The following MYT1L variants were observed in gnomAD, a reference collection of about 807,000 sequenced individuals.
The protein encoded by MYT1L is myelin transcription factor 1 like.
A neutral mutation model predicts 126.7 loss-of-function variants in MYT1L; 12 were observed. The ratio of observed to expected loss-of-function variants is 0.09; its 90% CI spans 0.06 to 0.15. The LOEUF is 0.15. Among genes scored for constraint, MYT1L ranks in the 10% least tolerant of loss-of-function variants. MYT1L has a pLI of 1.00. For synonymous variants in MYT1L, 541 were observed against 604.2 expected (o/e 0.90, Z 1.53); for missense variants, 979 against 1,585.2 (o/e 0.62, Z 6.49).
chr2:2,250,174 T>C (rs902161243), intron 2 of MYT1L, among the ~76,000 whole-genome samples: 2 of 152,204 alleles, frequency 1.3e-5, no homozygotes, highest in African/African-American at 2.4e-5. Context: ...TTGCTAGTTA[T>C]ACACTTAAAG....
intron 3 of MYT1L, among the ~76,000 whole-genome samples, chr2:2,084,441 T>C (rs1340407239): frequency 6.6e-6 from 1 of 152,204 alleles, no homozygotes; most frequent in East Asian, 1.9e-4. Context: ...TAGAAAACAC[T>C]GAGAGCTCCC....
At chr2:2,129,471 G>A (rs1047658744) in intron 3 of MYT1L, among the ~76,000 whole-genome samples, 31 of 152,192 alleles carry the variant, frequency 2.0e-4, no homozygotes, top group Admixed American at 2.0e-3. Context: ...CAGAAAGTGT[G>A]TGATAAAGAA....
intron 8 of MYT1L, among the ~76,000 whole-genome samples, chr2:1,956,175 G>A (rs2058332697): frequency 6.9e-6 from 1 of 144,128 alleles, no homozygotes; most frequent in Non-Finnish European, 1.5e-5. Flanking sequence ...CTGTCTGCCT[G>A]TTCATTTACC....
rs2149491306 is a variant in MYT1L at position 1,979,658 on chromosome 2, C to T, written c.55+65G>A. 1.9e-6 allele frequency: 3 copies of T among 1,608,834 alleles called. No individual in the cohort carries two copies. Among genetic ancestry groups the T allele is most frequent in the Admixed American group, 3.3e-5 (2 of 59,940 alleles). On this transcript the variant is annotated intron_variant, in intron 6 of 24. Coordinates refer to ENST00000647738, the MANE Select transcript of MYT1L (RefSeq NM_001303052.2). The surrounding 1 kb of genome is among the most constrained non-coding windows in gnomAD (Gnocchi z 4.0). ...GGCATGAAAGTGGGGTCAGAATCGACCTCAGTTCCGCAGGATGAAGGTGAC... is the reference window on the plus strand; with the variant it reads ...GGCATGAAAGTGGGGTCAGAATCGATCTCAGTTCCGCAGGATGAAGGTGAC...
intron 5 of MYT1L, among the ~76,000 whole-genome samples, chr2:1,994,878 A>T (rs1281948356): frequency 6.6e-6 from 1 of 152,122 alleles, no homozygotes; most frequent in Non-Finnish European, 1.5e-5. Flanking sequence ...ATTCTTTTTA[A>T]TTTTTTTAAA....
chr2:2,306,687 C>T (rs925791615), intron 1 of MYT1L, among the ~76,000 whole-genome samples: 2 of 151,998 alleles, frequency 1.3e-5, no homozygotes, highest in Non-Finnish European at 2.9e-5. Context: ...ACAGAAGGTC[C>T]CTCAAATGAT....
At chr2:1,956,433 TCTATCTAC>T (rs202166434) in intron 8 of MYT1L, among the ~76,000 whole-genome samples, 17,479 of 140,156 alleles carry the variant, frequency 0.12, 3,650 homozygotes, top group East Asian at 0.35. Flanking sequence ...TATCTATCTA[TCTATCTAC>T]CTATCATCTA....
At chr2:2,014,286 T>C (rs1268038296) in intron 4 of MYT1L, among the ~76,000 whole-genome samples, 1 of 151,834 alleles carries the variant, frequency 6.6e-6, no homozygotes, top group Non-Finnish European at 1.5e-5. Context: ...TAACCAGCCC[T>C]TGTCCTTGTG....
Position 2,098,314 on chromosome 2 carries a change from G to C in MYT1L, c.-303-44191C>G, listed in dbSNP as rs900756070. Reference sequence around the variant, plus strand: ...CTTTTCAACAACACCAATAATTTATGCTTTTTAAAGGGTCTGAACATTGAA... The same window carrying C: ...CTTTTCAACAACACCAATAATTTATCCTTTTTAAAGGGTCTGAACATTGAA... On this transcript the variant is annotated intron_variant, in intron 3 of 24. Transcript: ENST00000647738. Among the ~76,000 whole-genome samples the C allele has an allele frequency of 5.3e-5, 8 of 152,282 alleles. No homozygotes were observed. In the East Asian group the frequency reaches 1.4e-3, roughly 26 times the overall value.
At chr2:1,809,264 G>T in intron 21 of MYT1L, 97 bp from the exon 22 acceptor site, 1 of 1,195,580 alleles carries the variant, frequency 8.4e-7, no homozygotes, top group Non-Finnish European at 1.2e-6. Context: ...GCATTATTAG[G>T]TTGGTTGCCA....
intron 2 of MYT1L, among the ~76,000 whole-genome samples, chr2:2,222,707 T>A (rs1429680593): frequency 1.3e-5 from 2 of 152,130 alleles, no homozygotes; most frequent in East Asian, 3.8e-4. Context: ...CTCAAAACTT[T>A]AAAATATTCT....
rs748544912 is a variant in MYT1L, at chr2:1,862,339, C to A, written c.2712-10636G>T. On this transcript the variant is annotated intron_variant, in intron 18 of 24. Transcript: ENST00000647738. The stretch of plus-strand genomic sequence containing the variant: ...GTAAAGAGTTAAGTACCTTTAAGGT[C>A]AAAAAGGAGCAACAAAGCTGAGATT... 3.0e-4 allele frequency among the ~76,000 whole-genome samples: 45 copies of A among 152,180 alleles called. 1 individual carries two copies. The highest frequency in any genetic ancestry group is 6.2e-4 in the South Asian group (3 of 4,824).
intron 3 of MYT1L, among the ~76,000 whole-genome samples, chr2:2,153,262 C>CA (rs2086119049): frequency 6.6e-6 from 1 of 151,982 alleles, no homozygotes; most frequent in Non-Finnish European, 1.5e-5. Flanking sequence ...GACCCTGCCT[C>CA]AAAAAACAAA....
At chr2:2,178,403 AT>A (rs1172685168) in intron 2 of MYT1L, among the ~76,000 whole-genome samples, 1 of 152,228 alleles carries the variant, frequency 6.6e-6, no homozygotes, top group East Asian at 1.9e-4. Flanking sequence ...TTTGTGGCTG[AT>A]TAGATCATTC....
chr2:2,079,848 TA>T (rs1268900412), intron 3 of MYT1L, among the ~76,000 whole-genome samples: 2 of 150,430 alleles, frequency 1.3e-5, no homozygotes, highest in Non-Finnish European at 3.0e-5. Flanking sequence ...AAATCTTGAA[TA>T]AAAAAAATAG....
chr2:1,797,867 C>A (rs1332857050), intron 23 of MYT1L, among the ~76,000 whole-genome samples: 2 of 146,242 alleles, frequency 1.4e-5, no homozygotes, highest in African/African-American at 2.6e-5. Flanking sequence ...GCGGCGGTCT[C>A]CCCCCATCCG....
At chr2:2,188,466 C>T (rs953949993) in intron 2 of MYT1L, among the ~76,000 whole-genome samples, 2 of 152,196 alleles carry the variant, frequency 1.3e-5, no homozygotes, top group Non-Finnish European at 2.9e-5. Flanking sequence ...CGTGCACAAG[C>T]GTGTGCAGTG....
intron 21 of MYT1L, among the ~76,000 whole-genome samples, chr2:1,836,289 A>C (rs1285499173): frequency 6.7e-6 from 1 of 149,076 alleles, no homozygotes; most frequent in African/African-American, 2.5e-5. Context: ...CCTGCCCCCA[A>C]TACTCCATCA....
At chr2:2,131,479 G>C (rs1575387278) in intron 3 of MYT1L, among the ~76,000 whole-genome samples, 1 of 152,184 alleles carries the variant, frequency 6.6e-6, no homozygotes, top group Non-Finnish European at 1.5e-5. Context: ...GCTGCATGGA[G>C]AGTTTATTTA....
Sources: allele counts gnomAD v4.1 joint callset (sites outside exome capture counted in the v4.1 genomes callset), GRCh38; gene constraint gnomAD v4.1.1; non-coding constraint Gnocchi (gnomAD v3.1); transcripts MANE v1.5; gene names NCBI Gene and HGNC (gene_info 2026-07-23, HGNC 2026-07-21).